Variants in SLC9A9 observed in about 807,000 individuals in gnomAD.
SLC9A9 encodes the protein sodium/hydrogen exchanger 9.
A neutral mutation model predicts 77.8 loss-of-function variants in SLC9A9; 62 were observed. The observed-to-expected ratio is 0.80, with a 90% confidence interval of 0.65 to 0.98. The LOEUF (loss-of-function observed/expected upper bound fraction) is 0.98. Ranked by LOEUF, SLC9A9 falls within the 50% of genes least tolerant of loss-of-function variation. The probability of loss-of-function intolerance (pLI) is 0.00; values close to 1 mark genes in which losing one functional copy is unlikely to be tolerated. For synonymous variants in SLC9A9, 320 were observed against 283.5 expected, an observed-to-expected ratio of 1.13 and a Z score of -1.29; for missense variants, 775 against 774.9, an observed-to-expected ratio of 1.00 and a Z score of 0.00.
intron 9 of SLC9A9, among the ~76,000 whole-genome samples, chr3:143,522,043 C>G (rs1464143946): frequency 6.6e-6 from 1 of 152,064 alleles, no homozygotes; most frequent in Non-Finnish European, 1.5e-5. Context: ...ACTGTTTTAG[C>G]CAGTTGTTCC....
chr3:143,582,983 T>C (rs2037481627), intron 6 of SLC9A9, among the ~76,000 whole-genome samples: 1 of 151,770 alleles, frequency 6.6e-6, no homozygotes, highest in Non-Finnish European at 1.5e-5. Flanking sequence ...CAAAACCCCA[T>C]CTCTAAAAAA....
chr3:143,579,703 G>C (rs1018500393), intron 6 of SLC9A9, among the ~76,000 whole-genome samples: 1 of 152,156 alleles, frequency 6.6e-6, no homozygotes. Flanking sequence ...AACTCCAAAA[G>C]TAGCAGTGTG....
chr3:143,756,979 T>A (rs2006947702), intron 4 of SLC9A9, among the ~76,000 whole-genome samples: 1 of 152,192 alleles, frequency 6.6e-6, no homozygotes, highest in African/African-American at 2.4e-5. Context: ...ATAAATCATG[T>A]ATAAACAAAT....
intron 12 of SLC9A9, among the ~76,000 whole-genome samples, chr3:143,396,216 T>C (rs2033724772): frequency 6.6e-6 from 1 of 152,164 alleles, no homozygotes; most frequent in South Asian, 2.1e-4. Flanking sequence ...TCAATAATGA[T>C]AGACTGGATT....
chr3:143,722,593 G>A (rs1240729415), intron 4 of SLC9A9, among the ~76,000 whole-genome samples: 1 of 150,916 alleles, frequency 6.6e-6, no homozygotes, highest in African/African-American at 2.4e-5. Flanking sequence ...CGGAATTCAC[G>A]TTTGACTTCC....
intron 4 of SLC9A9, among the ~76,000 whole-genome samples, chr3:143,737,999 A>G (rs76939032): frequency 0.033 from 4,987 of 152,284 alleles, 232 homozygotes; most frequent in African/African-American, 0.11. Context: ...AATTTTTTAC[A>G]TAGTAACATT....
chr3:143,415,188 C>A (rs1167501403), intron 12 of SLC9A9, among the ~76,000 whole-genome samples: 3 of 152,178 alleles, frequency 2.0e-5, no homozygotes, highest in African/African-American at 7.2e-5. Context: ...AGGAAAGGAG[C>A]TATCTCCATA....
chr3:143,399,791 C>T (rs187572540), intron 12 of SLC9A9, among the ~76,000 whole-genome samples: 1 of 152,208 alleles, frequency 6.6e-6, no homozygotes, highest in East Asian at 1.9e-4. Context: ...TTCCTGACAC[C>T]ACACTATCGA....
At chr3:143,626,626 G>GAAT (rs2038333539) in intron 6 of SLC9A9, among the ~76,000 whole-genome samples, 1 of 151,750 alleles carries the variant, frequency 6.6e-6, no homozygotes, top group South Asian at 2.1e-4. Flanking sequence ...TGGGGTGGGG[G>GAAT]GATGGGGGAG....
chr3:143,538,194 A>G (rs1032383337), intron 9 of SLC9A9, among the ~76,000 whole-genome samples: 2 of 152,226 alleles, frequency 1.3e-5, no homozygotes, highest in Admixed American at 1.3e-4. Context: ...GGGTCAAATG[A>G]GGAAGAAAAT....
chr3:143,482,766 T>A (rs2035593815), intron 11 of SLC9A9, among the ~76,000 whole-genome samples: 2 of 152,252 alleles, frequency 1.3e-5, no homozygotes. Context: ...ATCTTTGTAA[T>A]ATGCACCACA....
intron 7 of SLC9A9, 66 bp downstream of exon 7, chr3:143,578,519 A>G: frequency 6.2e-7 from 1 of 1,611,040 alleles, no homozygotes. Flanking sequence ...GTCCATCATC[A>G]GAAATATTCC....
At chr3:143,828,189 T>C (rs1320836326) in intron 2 of SLC9A9, among the ~76,000 whole-genome samples, 1 of 152,188 alleles carries the variant, frequency 6.6e-6, no homozygotes, top group Admixed American at 6.6e-5. Flanking sequence ...ACAGCTAAGA[T>C]TAAAGAATGT....
At chr3:143,644,411 G>A (rs1316278371) in intron 6 of SLC9A9, among the ~76,000 whole-genome samples, 2 of 152,226 alleles carry the variant, frequency 1.3e-5, no homozygotes, top group Non-Finnish European at 2.9e-5. Flanking sequence ...GTGAATGTCA[G>A]ATCTCATCCG....
At chr3:143,812,608 C>G (rs954488094) in intron 2 of SLC9A9, among the ~76,000 whole-genome samples, 2 of 152,194 alleles carry the variant, frequency 1.3e-5, no homozygotes, top group African/African-American at 2.4e-5. Context: ...GACCATATGA[C>G]TGAGTTCAGG....
chr3:143,598,525 C>T (rs1010414719), intron 6 of SLC9A9, among the ~76,000 whole-genome samples: 5 of 152,194 alleles, frequency 3.3e-5, no homozygotes, highest in Non-Finnish European at 5.9e-5. Context: ...ATTCTTTGTA[C>T]CAGTGAATCA....
intron 1 of SLC9A9, among the ~76,000 whole-genome samples, chr3:143,836,872 C>G (rs549947218): frequency 2.0e-5 from 3 of 152,066 alleles, no homozygotes; most frequent in African/African-American, 7.2e-5. Context: ...AATATCTTAA[C>G]CTACCAGCCC....
At chr3:143,629,828 T>C (rs1016965469) in intron 6 of SLC9A9, among the ~76,000 whole-genome samples, 1 of 152,084 alleles carries the variant, frequency 6.6e-6, no homozygotes. Flanking sequence ...CAAGTGTTTA[T>C]TAAGAGTCTA....
At chr3:143,459,602 G>A (rs994536800) in intron 12 of SLC9A9, among the ~76,000 whole-genome samples, 1 of 152,008 alleles carries the variant, frequency 6.6e-6, no homozygotes, top group Non-Finnish European at 1.5e-5. Context: ...TATTGTCTTA[G>A]GTGTATGCTG....
Sources: gnomAD v4.1 joint callset for allele counts (sites outside exome capture counted in the v4.1 genomes callset) on GRCh38, gnomAD v4.1.1 for gene constraint, MANE v1.5 for transcripts, NCBI Gene and HGNC (gene_info 2026-07-23, HGNC 2026-07-21) for gene names.